COG5: variants seen among roughly 807,000 people sequenced by gnomAD.
The protein encoded by COG5 is conserved oligomeric Golgi complex subunit 5.
In COG5, 86 loss-of-function variants were observed where a neutral mutation model predicts 110.4. The observed-to-expected ratio is 0.78, with a 90% CI of 0.65 to 0.93. The LOEUF (loss-of-function observed/expected upper bound fraction) is 0.93, where lower values mean the gene tolerates loss of function less well. Ranked by LOEUF, COG5 falls within the 40% of genes least tolerant of loss-of-function variation. The pLI is 0.00. For synonymous variants in COG5, 360 were observed against 334.6 expected (o/e 1.08, Z -0.83); for missense variants, 1,077 against 987.0 (o/e 1.09, Z -1.22).
chr7:107,524,163 T>C (rs1318128432), intron 6 of COG5, among the ~76,000 whole-genome samples: 1 of 152,174 alleles, frequency 6.6e-6, no homozygotes, highest in African/African-American at 2.4e-5. Context: ...CATAAAACTC[T>C]CCCTTTCAAA....
chr7:107,518,373 TAAAG>T (rs1229774564), intron 6 of COG5, among the ~76,000 whole-genome samples: 3 of 152,060 alleles, frequency 2.0e-5, no homozygotes, highest in Non-Finnish European at 4.4e-5. Context: ...GCAAATTGAA[TAAAG>T]AGTCAAGATC....
intron 6 of COG5, among the ~76,000 whole-genome samples, chr7:107,457,963 A>G (rs181978303): frequency 1.7e-4 from 26 of 152,330 alleles, no homozygotes; most frequent in Non-Finnish European, 3.7e-4. Flanking sequence ...GAAAATTATA[A>G]AAACAATGAA....
chr7:107,563,790 C>A lies in COG5; in HGVS notation c.94+13G>T. 4 of 1,613,814 alleles carry A rather than the reference C, an allele frequency of 2.5e-6. No individual in the cohort carries two copies. The highest frequency in any genetic ancestry group is 3.4e-6 in the Non-Finnish European group (4 of 1,179,832). ...CCCCAACCCCACGACCTGGTCAGAC[C>A]CCGTCTCCTTACCGTCCTGCAGAAG... is the stretch of plus-strand genomic sequence containing the variant. On this transcript the variant is annotated intron_variant, in intron 1 of 21. Transcript: ENST00000297135.
intron 13 of COG5, among the ~76,000 whole-genome samples, chr7:107,282,423 T>C (rs570309643): frequency 6.6e-6 from 1 of 152,284 alleles, no homozygotes; most frequent in East Asian, 1.9e-4. Flanking sequence ...GTCAAGGCAA[T>C]TGTGGAGAGA....
intron 6 of COG5, among the ~76,000 whole-genome samples, chr7:107,463,927 T>G (rs1006497298): frequency 5.3e-5 from 8 of 152,122 alleles, no homozygotes; most frequent in Non-Finnish European, 1.0e-4. Context: ...CTCAGTGCCT[T>G]CAGCCTACCT....
chr7:107,271,755 T>C (rs1804292577), intron 14 of COG5, among the ~76,000 whole-genome samples: 1 of 152,142 alleles, frequency 6.6e-6, no homozygotes, highest in Non-Finnish European at 1.5e-5. Context: ...CTCATCTTTA[T>C]TATTTCCTTC....
At chr7:107,500,493 T>C (rs1034483431) in intron 6 of COG5, among the ~76,000 whole-genome samples, 4 of 152,198 alleles carry the variant, frequency 2.6e-5, no homozygotes, top group Admixed American at 6.5e-5. Context: ...CACCATAAGA[T>C]ATATCCCTAG....
In COG5 at chr7:107,406,969, C is replaced by T. The variant is rs549090430; in HGVS notation, c.669+5533G>A. Among the ~76,000 whole-genome samples, 13 of 152,284 alleles carry T rather than the reference C, an allele frequency of 8.5e-5. No individual in the cohort carries two copies. In the South Asian group the frequency reaches 1.2e-3, roughly 15 times the overall value. On this transcript the variant is annotated intron_variant, in intron 7 of 21. Transcript: ENST00000297135. ...CTTTCTCACAACTAAACAAACTATG[C>T]TAATATCAATTTTCTGTAGAAATAT...
chr7:107,508,449 G>A (rs1391669045), intron 6 of COG5, among the ~76,000 whole-genome samples: 1 of 152,222 alleles, frequency 6.6e-6, no homozygotes, highest in African/African-American at 2.4e-5. Flanking sequence ...CTCCACCTCT[G>A]GGGGCAGGGC....
In COG5 at chr7:107,324,512, G is replaced by A; in HGVS notation, c.1036C>T (p.Pro346Ser). The A allele has an allele frequency of 4.4e-6, 7 of 1,602,874 alleles. No homozygotes were observed. The highest frequency in any genetic ancestry group is 6.0e-6 in the Non-Finnish European group (7 of 1,173,686). The stretch of plus-strand genomic sequence containing the variant: ...TTCCAAAATGTGTAGAAAATTTCCG[G>A]TTGTCCATCCTGTGAAGAACAAACA... Reference protein sequence around the residue: ...FIEEIVKDGQPEIFYTFWNSV... With the variant: ...FIEEIVKDGQSEIFYTFWNSV... Residue 346 changes from proline (P) to serine (S), a missense_variant, in exon 11 of 22, where the codon CCG (proline) becomes TCG (serine). Coordinates refer to ENST00000297135, the MANE Select transcript of COG5 (RefSeq NM_006348.5).
intron 19 of COG5, among the ~76,000 whole-genome samples, chr7:107,216,785 TAAATAA>T (rs1254720007): frequency 1.3e-5 from 2 of 151,906 alleles, no homozygotes; most frequent in East Asian, 1.9e-4. Context: ...AACAAATACT[TAAATAA>T]AAATAAACAT....
intron 10 of COG5, among the ~76,000 whole-genome samples, chr7:107,333,494 G>C (rs1810445986): frequency 2.0e-5 from 3 of 151,962 alleles, no homozygotes; most frequent in African/African-American, 4.8e-5. Flanking sequence ...ACACTGTTCA[G>C]AGAGAAAAAA....
intron 14 of COG5, among the ~76,000 whole-genome samples, chr7:107,259,873 T>C (rs1389552387): frequency 2.0e-5 from 3 of 152,044 alleles, no homozygotes; most frequent in Non-Finnish European, 4.4e-5. Context: ...TTTCAAAGTA[T>C]AGACAGGTCC....
intron 11 of COG5, among the ~76,000 whole-genome samples, chr7:107,316,687 C>G (rs1330032521): frequency 6.8e-6 from 1 of 146,852 alleles, no homozygotes; most frequent in Non-Finnish European, 1.5e-5. Flanking sequence ...AAAAAATTAG[C>G]CAGGCGTGGT....
At chr7:107,381,534 C>T (rs1034388123) in intron 7 of COG5, among the ~76,000 whole-genome samples, 1 of 152,120 alleles carries the variant, frequency 6.6e-6, no homozygotes, top group Non-Finnish European at 1.5e-5. Context: ...TTGAACTGTA[C>T]CCTGGACATT....
At chr7:107,439,351 A>T (rs1372978864) in intron 6 of COG5, among the ~76,000 whole-genome samples, 1 of 152,062 alleles carries the variant, frequency 6.6e-6, no homozygotes, top group Admixed American at 6.6e-5. Flanking sequence ...TTTACAGGAA[A>T]ATTCCTCAGG....
chr7:107,479,975 A>G (rs1367454914), intron 6 of COG5, among the ~76,000 whole-genome samples: 1 of 152,176 alleles, frequency 6.6e-6, no homozygotes, highest in African/African-American at 2.4e-5. Context: ...ATAACTTATT[A>G]TGGGCATCCA....
intron 3 of COG5, among the ~76,000 whole-genome samples, chr7:107,549,009 A>G (rs1211521198): frequency 9.9e-5 from 15 of 152,246 alleles, no homozygotes; most frequent in Non-Finnish European, 1.6e-4. Context: ...TCTAAATTTA[A>G]GTATAGACAT....
intron 1 of COG5, among the ~76,000 whole-genome samples, chr7:107,560,804 A>G (rs17154217): frequency 6.6e-6 from 1 of 152,252 alleles, no homozygotes; most frequent in African/African-American, 2.4e-5. Flanking sequence ...AGGTTATGGA[A>G]TGGCATATCA....
Sources: allele counts gnomAD v4.1 joint callset (sites outside exome capture counted in the v4.1 genomes callset), GRCh38; gene constraint gnomAD v4.1.1; transcripts MANE v1.5; gene names NCBI Gene and HGNC (gene_info 2026-07-23, HGNC 2026-07-21).